The following ASB7 variants were observed in gnomAD, a reference collection of about 807,000 sequenced individuals.
ASB7 encodes the protein ankyrin repeat and SOCS box containing 7.
In ASB7, 4 loss-of-function variants were observed where a neutral mutation model predicts 32.5. The ratio of observed to expected loss-of-function variants is 0.12; its 90% CI spans 0.06 to 0.28. The LOEUF (loss-of-function observed/expected upper bound fraction) is 0.28, where lower values mean the gene tolerates loss of function less well. Among genes scored for constraint, ASB7 ranks in the 10% least tolerant of loss-of-function variants. The pLI, the probability that ASB7 is intolerant of heterozygous loss-of-function variation, is 1.00. For missense variants in ASB7, 181 were observed against 407.1 expected, an observed-to-expected ratio of 0.44 and a Z score of 4.78; for synonymous variants, 172 against 155.6, an observed-to-expected ratio of 1.11 and a Z score of -0.78.
chr15:100,642,147 G>A (rs2039966003), intron 5 of ASB7, among the ~76,000 whole-genome samples: 1 of 152,208 alleles, frequency 6.6e-6, no homozygotes, highest in Admixed American at 6.5e-5. Context: ...TCAACATATT[G>A]ACTAGAGCAT....
intron 5 of ASB7, chr15:100,645,783 CTT>C: frequency 6.4e-7 from 1 of 1,562,120 alleles, no homozygotes; most frequent in Non-Finnish European, 8.8e-7. Context: ...CAATTAAACA[CTT>C]TATTTCCTGT....
intron 4 of ASB7, among the ~76,000 whole-genome samples, chr15:100,616,616 T>A (rs924132275): frequency 6.6e-6 from 1 of 152,250 alleles, no homozygotes. Context: ...TTTTCATATA[T>A]GTGTGGTTCC....
intron 5 of ASB7, among the ~76,000 whole-genome samples, chr15:100,630,844 G>A (rs1294420636): frequency 2.6e-5 from 4 of 152,186 alleles, no homozygotes; most frequent in Non-Finnish European, 5.9e-5. Context: ...CCACCATGAA[G>A]CTAAAATCTG....
intron 2 of ASB7, among the ~76,000 whole-genome samples, chr15:100,604,803 C>A (rs754715119): frequency 5.9e-5 from 9 of 152,120 alleles, no homozygotes; most frequent in Non-Finnish European, 1.0e-4. Context: ...TCTTTAAAGG[C>A]TAATTTTTAT....
chr15:100,605,716 T>C (rs553710860), intron 2 of ASB7, among the ~76,000 whole-genome samples: 1 of 152,346 alleles, frequency 6.6e-6, no homozygotes, highest in Admixed American at 6.5e-5. Flanking sequence ...TTTCTAGGAA[T>C]TGACACATGA....
At chr15:100,642,803 G>A (rs571969210) in intron 5 of ASB7, among the ~76,000 whole-genome samples, 2 of 152,354 alleles carry the variant, frequency 1.3e-5, no homozygotes, top group East Asian at 1.9e-4. Flanking sequence ...TTGGGAGGCC[G>A]AGGCAGGCAG....
chr15:100,621,075 C>G (rs1398291503), intron 4 of ASB7, among the ~76,000 whole-genome samples: 1 of 152,078 alleles, frequency 6.6e-6, no homozygotes, highest in Non-Finnish European at 1.5e-5. Flanking sequence ...AATGATAATT[C>G]CAAATGTGAC....
At chr15:100,613,852 A>G (rs1402339239) in intron 4 of ASB7, among the ~76,000 whole-genome samples, 2 of 152,212 alleles carry the variant, frequency 1.3e-5, no homozygotes, top group Non-Finnish European at 2.9e-5. Context: ...AAATAAAGCC[A>G]AAGTCCCCTT....
Position 100,603,542 on chromosome 15 carries a change from T to G in ASB7, c.-174+229T>G, listed in dbSNP as rs1208906553. Reference sequence around the variant, plus strand: ...CCCACTTTCTTTCTGTACAGTGTGTTTCTGTGTTTTTCATTATCTTTTGGT... The same window carrying G: ...CCCACTTTCTTTCTGTACAGTGTGTGTCTGTGTTTTTCATTATCTTTTGGT... On this transcript the variant is annotated intron_variant, in intron 2 of 5. Coordinates refer to ENST00000332783, the MANE Select transcript of ASB7 (RefSeq NM_198243.3). Among the ~76,000 whole-genome samples, 6 of 152,158 alleles carry G rather than the reference T, an allele frequency of 3.9e-5. No homozygotes were observed. The East Asian group carries it at 1.2e-3, about 29-fold the overall frequency.
At chr15:100,615,316 G>A (rs993509851) in intron 4 of ASB7, among the ~76,000 whole-genome samples, 3 of 152,204 alleles carry the variant, frequency 2.0e-5, no homozygotes, top group South Asian at 2.1e-4. Context: ...CTCATTTAAA[G>A]TGTACAGTTA....
chr15:100,602,815 C>G lies in ASB7; in HGVS notation c.-504C>G. The G allele has an allele frequency of 2.5e-6, 1 of 392,724 alleles. No individual in the cohort carries two copies. The highest frequency in any genetic ancestry group is 3.6e-5 in the East Asian group (1 of 27,682). The allele number at this position is 392,724 out of a possible 1,614,324, so 24.3% of individuals were successfully genotyped here. A position where few individuals can be genotyped will look rare whatever the true frequency, so the allele number is the denominator to read the frequency against. ...ACCGGGACTGCCCCCCCACCCGAGCCAGGACTTCCTCCCTGCCTCCCTGCA... is the reference window on the plus strand; with the variant it reads ...ACCGGGACTGCCCCCCCACCCGAGCGAGGACTTCCTCCCTGCCTCCCTGCA... On this transcript the variant is annotated 5_prime_UTR_variant, in exon 1 of 6. Coordinates refer to ENST00000332783, the MANE Select transcript of ASB7 (RefSeq NM_198243.3).
rs369401805 is a variant in ASB7, at chr15:100,629,433, C to A, written c.212-4C>A. 1 of 1,600,360 alleles carries A rather than the reference C, an allele frequency of 6.2e-7. No individual in the cohort carries two copies. The highest frequency in any genetic ancestry group is 8.5e-7 in the Non-Finnish European group (1 of 1,170,164). On this transcript the variant is annotated splice_polypyrimidine_tract_variant and splice_region_variant and intron_variant, in intron 4 of 5. Coordinates refer to ENST00000332783, the MANE Select transcript of ASB7 (RefSeq NM_198243.3). This position sits in a 1 kb window ranked among gnomAD's most constrained non-coding sequence, Gnocchi z 6.8. ...TAATACTTTCATTTTGGTTTTAACT[C>A]CAGCTGATCCTACAGTTAAAGACTT...
At chr15:100,605,958 T>C (rs541003161) in intron 2 of ASB7, among the ~76,000 whole-genome samples, 43 of 152,336 alleles carry the variant, frequency 2.8e-4, no homozygotes, top group African/African-American at 9.9e-4. Context: ...GGCCCAGTAA[T>C]TTGGAGGAAA....
At chr15:100,616,260 A>G (rs777603939) in intron 4 of ASB7, among the ~76,000 whole-genome samples, 5 of 151,788 alleles carry the variant, frequency 3.3e-5, no homozygotes, top group Non-Finnish European at 5.9e-5. Context: ...GGAATTGTTT[A>G]TATATTCTCC....
At chr15:100,630,188 TAA>T in intron 5 of ASB7, 146 bp downstream of exon 5, 2 of 1,236,752 alleles carry the variant, frequency 1.6e-6, no homozygotes, top group Non-Finnish European at 2.1e-6. Flanking sequence ...TCTTCTGAAA[TAA>T]AAAAAAAACT....
At chr15:100,644,939 T>C (rs1363018980) in intron 5 of ASB7, among the ~76,000 whole-genome samples, 1 of 152,218 alleles carries the variant, frequency 6.6e-6, no homozygotes, top group East Asian at 1.9e-4. Flanking sequence ...GCCATTCTGT[T>C]AAGAGACCAC....
intron 4 of ASB7, among the ~76,000 whole-genome samples, chr15:100,624,639 C>T (rs1427968189): frequency 3.9e-5 from 6 of 152,154 alleles, no homozygotes; most frequent in Admixed American, 1.3e-4. Context: ...AAGTCTAGCT[C>T]ATAACTAAAA....
At chr15:100,610,346 T>C (rs2039683977) in intron 3 of ASB7, among the ~76,000 whole-genome samples, 1 of 151,628 alleles carries the variant, frequency 6.6e-6, no homozygotes, top group African/African-American at 2.4e-5. Flanking sequence ...TACAAAAAAA[T>C]TAGCCGGGCG....
chr15:100,647,437 G>A (rs1471107612), intron 5 of ASB7, among the ~76,000 whole-genome samples: 2 of 152,312 alleles, frequency 1.3e-5, no homozygotes, highest in Non-Finnish European at 2.9e-5. Context: ...TTATTATCAT[G>A]TTTAATATGA....
Sources: gnomAD v4.1 joint callset for allele counts (sites outside exome capture counted in the v4.1 genomes callset) on GRCh38, gnomAD v4.1.1 for gene constraint, Gnocchi (gnomAD v3.1) non-coding constraint, MANE v1.5 for transcripts, NCBI Gene and HGNC (gene_info 2026-07-23, HGNC 2026-07-21) for gene names.